The following FBLN1 variants were observed in gnomAD, a reference collection of about 807,000 sequenced individuals.
The protein encoded by FBLN1 is fibulin 1.
A neutral mutation model predicts 89.7 loss-of-function variants in FBLN1; 34 were observed. The ratio of observed to expected loss-of-function variants is 0.38; its 90% CI spans 0.29 to 0.50. The LOEUF is 0.50. Among genes scored for constraint, FBLN1 ranks in the 20% least tolerant of loss-of-function variants. The probability of loss-of-function intolerance (pLI) is 0.92; values close to 1 mark genes in which losing one functional copy is unlikely to be tolerated. For missense variants in FBLN1, 777 were observed against 988.1 expected (o/e 0.79, Z 2.86); for synonymous variants, 393 against 391.3 (o/e 1.00, Z -0.05).
At chr22:45,525,193 GAGAA>G (rs1467469068) in intron 2 of FBLN1, among the ~76,000 whole-genome samples, 1 of 135,482 alleles carries the variant, frequency 7.4e-6, no homozygotes, top group African/African-American at 2.7e-5. Flanking sequence ...GAGAGAGAGA[GAGAA>G]AGAGAGAAAG....
intron 4 of FBLN1, among the ~76,000 whole-genome samples, chr22:45,529,238 G>A (rs528760931): frequency 1.2e-3 from 179 of 152,340 alleles, no homozygotes; most frequent in African/African-American, 4.3e-3. Context: ...CGAGCAGCTG[G>A]GGGCCATCGC....
At position 45,532,892 on chromosome 22, in the gene FBLN1, C is replaced by T. The variant is rs148506085; in HGVS notation, c.545-171C>T. On this transcript the variant is annotated intron_variant, in intron 5 of 16. Transcript: ENST00000327858. This position sits in a 1 kb window ranked among gnomAD's most constrained non-coding sequence, Gnocchi z 4.2. ...GCAGCCCCTGGGGGGTGTCCAGAGC[C>T]AGAGCCTGGGGGTCTCCCAGTAGGG... 1.1e-3 allele frequency: 708 copies of T among 655,606 alleles called. 10 individuals are homozygous for T. In the East Asian group the frequency reaches 0.018, roughly 17 times the overall value. The allele number at this position is 655,606 out of a possible 1,614,324, so 40.6% of individuals were successfully genotyped here.
At chr22:45,505,429 A>G (rs1337725844) in intron 1 of FBLN1, among the ~76,000 whole-genome samples, 1 of 152,198 alleles carries the variant, frequency 6.6e-6, no homozygotes, top group Non-Finnish European at 1.5e-5. Context: ...ACTCTGTGCC[A>G]TGGGGGTCAG....
chr22:45,599,384 C>T (rs930545411), intron 16 of FBLN1, among the ~76,000 whole-genome samples: 1 of 152,208 alleles, frequency 6.6e-6, no homozygotes, highest in Non-Finnish European at 1.5e-5. Context: ...GCTCAGGTGT[C>T]AGCCTCCACA....
intron 7 of FBLN1, 48 bp downstream of exon 7, chr22:45,533,946 T>TA: frequency 2.5e-6 from 4 of 1,610,828 alleles, no homozygotes; most frequent in South Asian, 1.1e-5. Flanking sequence ...CAGGCGTAGA[T>TA]ACGGCGCGGT....
Position 45,568,584 on chromosome 22 carries a change from C to T in FBLN1, c.1698-5927C>T, listed in dbSNP as rs957348486. Among the ~76,000 whole-genome samples the T allele has an allele frequency of 6.3e-4, 62 of 98,262 alleles. 8 individuals carry two copies. Among genetic ancestry groups the T allele is most frequent in the South Asian group, 1.3e-3 (4 of 3,000 alleles). The allele number at this position is 98,262 out of a possible 152,430, so 64.5% of individuals were successfully genotyped here. A position where few individuals can be genotyped will look rare whatever the true frequency, so the allele number is the denominator to read the frequency against. Reference sequence around the variant, plus strand: ...CATGCTCCTTCTGTAGGAGAATGCTCCTGTAGGGGAATGCTCCTTCTGTAA... The same window carrying T: ...CATGCTCCTTCTGTAGGAGAATGCTTCTGTAGGGGAATGCTCCTTCTGTAA... On this transcript the variant is annotated intron_variant, in intron 14 of 16. Transcript: ENST00000327858.
chr22:45,596,583 T>C (rs1006068518), intron 16 of FBLN1, among the ~76,000 whole-genome samples: 3 of 149,660 alleles, frequency 2.0e-5, no homozygotes, highest in Non-Finnish European at 3.0e-5. Flanking sequence ...TATATACATA[T>C]ATCAACATAA....
intron 14 of FBLN1, among the ~76,000 whole-genome samples, chr22:45,554,746 C>G (rs1241181876): frequency 6.6e-6 from 1 of 152,204 alleles, no homozygotes; most frequent in African/African-American, 2.4e-5. Context: ...GCACCTGGGC[C>G]AGGTCCTCTG....
chr22:45,534,623 T>C (rs536203168), intron 7 of FBLN1, among the ~76,000 whole-genome samples: 145 of 152,286 alleles, frequency 9.5e-4, no homozygotes, highest in African/African-American at 3.3e-3. Context: ...CCTTCTGACA[T>C]CTGAGGGCCA....
At position 45,585,866 on chromosome 22, in the gene FBLN1, C is replaced by T. The variant is rs141583081; in HGVS notation, c.1972+8758C>T. 1.5e-4 allele frequency among the ~76,000 whole-genome samples: 23 copies of T among 152,254 alleles called. No individual in the cohort carries two copies. In the East Asian group the frequency reaches 2.1e-3, roughly 14 times the overall value. ...GCATCAGAGCCTGTGCCCTGTGTGA[C>T]GGCGCGTAGCCCCCCGAAACAGCTG... On this transcript the variant is annotated intron_variant, in intron 16 of 16. Transcript: ENST00000327858.
At chr22:45,546,193 G>C (rs996586244) in intron 11 of FBLN1, among the ~76,000 whole-genome samples, 1 of 151,596 alleles carries the variant, frequency 6.6e-6, no homozygotes, top group African/African-American at 2.4e-5. Flanking sequence ...AAAAAAAAGA[G>C]TGAATGTGGC....
chr22:45,532,759 C>G lies in FBLN1; in HGVS notation c.545-304C>G. 1 of 476,948 alleles carries G rather than the reference C, an allele frequency of 2.1e-6. No individual in the cohort carries two copies. The highest frequency in any genetic ancestry group is 3.9e-6 in the Non-Finnish European group (1 of 259,030). 29.5% of individuals were successfully genotyped at this position (476,948 alleles called of 1,614,324 possible). On this transcript the variant is annotated intron_variant, in intron 5 of 16. Coordinates refer to ENST00000327858, the MANE Select transcript of FBLN1 (RefSeq NM_006486.3). This position sits in a 1 kb window ranked among gnomAD's most constrained non-coding sequence, Gnocchi z 4.2. ...GAGCCCACACCCCCATGTCTGTGAC[C>G]GGCAGTGAGCTCTTCTCTGCTTCGC...
In FBLN1 at chr22:45,531,739, G is replaced by A. The variant is rs1451498115; in HGVS notation, c.544+415G>A. Among the ~76,000 whole-genome samples, 1 of 152,170 alleles carries A rather than the reference G, an allele frequency of 6.6e-6. No homozygotes were observed. The highest frequency in any genetic ancestry group is 2.4e-5 in the African/African-American group (1 of 41,438). ...GGCTGGCTGGGGAGGGGAAGGGTGG[G>A]CTTACCAAGGAGGGGCCCTGGTGAG... On this transcript the variant is annotated intron_variant, in intron 5 of 16. Coordinates refer to ENST00000327858, the MANE Select transcript of FBLN1 (RefSeq NM_006486.3). The surrounding 1 kb of genome is among the most constrained non-coding windows in gnomAD (Gnocchi z 4.9).
intron 3 of FBLN1, among the ~76,000 whole-genome samples, chr22:45,526,799 G>A (rs1602177094): frequency 6.6e-6 from 1 of 152,308 alleles, no homozygotes; most frequent in Non-Finnish European, 1.5e-5. Flanking sequence ...CTGGGAACCA[G>A]GACTTTGGGC....
In FBLN1 at chr22:45,574,449, GC is replaced by G; in HGVS notation, c.1698-58del. The G allele has an allele frequency of 6.2e-7, 1 of 1,602,950 alleles. No homozygotes were observed. Among genetic ancestry groups the G allele is most frequent in the Non-Finnish European group, 8.5e-7 (1 of 1,171,702 alleles). On this transcript the variant is annotated intron_variant, in intron 14 of 16. Transcript: ENST00000327858. This position sits in a 1 kb window ranked among gnomAD's most constrained non-coding sequence, Gnocchi z 4.1. The stretch of plus-strand genomic sequence containing the variant: ...ACCTGCTCCTCCTCCCTAGACCTCG[GC>G]CCCTGTGGGAGCTGCTGTCCCAGCT...
intron 2 of FBLN1, among the ~76,000 whole-genome samples, chr22:45,524,402 C>G (rs1278109405): frequency 6.6e-6 from 1 of 152,214 alleles, no homozygotes; most frequent in East Asian, 1.9e-4. Flanking sequence ...GTCACAGCCT[C>G]ATGGTTGTGT....
At chr22:45,505,997 G>T (rs1022252734) in intron 1 of FBLN1, among the ~76,000 whole-genome samples, 1 of 152,178 alleles carries the variant, frequency 6.6e-6, no homozygotes, top group African/African-American at 2.4e-5. Flanking sequence ...TCGAACTCCT[G>T]ACCTCAGGTG....
rs971127353 is a variant in FBLN1, at chr22:45,590,206, C to T, written c.1973-10101C>T. 6.6e-6 allele frequency among the ~76,000 whole-genome samples: 1 copy of T among 152,220 alleles called. No homozygotes were observed. Among genetic ancestry groups the T allele is most frequent in the Non-Finnish European group, 1.5e-5 (1 of 68,030 alleles). On this transcript the variant is annotated intron_variant, in intron 16 of 16. Coordinates refer to ENST00000327858, the MANE Select transcript of FBLN1 (RefSeq NM_006486.3). This position sits in a 1 kb window ranked among gnomAD's most constrained non-coding sequence, Gnocchi z 4.1. ...ACCCCCTCTCTGCACTCAAGGGCTG[C>T]CCGCCAGGCCAGCCTCTCTTCCCCC...
chr22:45,507,525 T>C (rs1166298145), intron 1 of FBLN1, among the ~76,000 whole-genome samples: 1 of 152,134 alleles, frequency 6.6e-6, no homozygotes, highest in Non-Finnish European at 1.5e-5. Context: ...GAACCTATTT[T>C]TATTTTTTAT....
Sources: gnomAD v4.1 joint callset for allele counts (sites outside exome capture counted in the v4.1 genomes callset) on GRCh38, gnomAD v4.1.1 for gene constraint, Gnocchi (gnomAD v3.1) non-coding constraint, MANE v1.5 for transcripts, NCBI Gene and HGNC (gene_info 2026-07-23, HGNC 2026-07-21) for gene names.